The following CD163L1 variants were observed in gnomAD, a reference collection of about 807,000 sequenced individuals.
CD163L1 encodes the protein scavenger receptor cysteine-rich type 1 protein M160.
CD163L1 carries 124 observed loss-of-function variants against 165.4 expected under a neutral mutation model. The ratio of observed to expected loss-of-function variants is 0.75; its 90% CI spans 0.65 to 0.87. CD163L1 has a LOEUF of 0.87. CD163L1 is among the 40% of genes least tolerant of loss of function. The pLI is 0.00. For missense variants in CD163L1, 1,525 were observed against 1,799.9 expected (o/e 0.85, Z 2.76); for synonymous variants, 585 against 662.2 (o/e 0.88, Z 1.79).
chr12:7,433,617 G>C lies in CD163L1; in HGVS notation c.202C>G (p.Gln68Glu). 6.2e-7 allele frequency: 1 copy of C among 1,614,034 alleles called. No individual in the cohort carries two copies. The highest frequency in any genetic ancestry group is 8.5e-7 in the Non-Finnish European group (1 of 1,179,962). The change falls in exon 3 of 20, where the codon CAG becomes GAG. Residue 68 changes from glutamine (Q) to glutamate (E), a missense_variant. Transcript: ENST00000313599. ...SGTVEVKFQG[Q>E]WGTVCDDGWN... ...CCATCATCACACACAGTCCCCCACTGTCCCTGGAATTTCACCTCCACTGTC... is the reference window on the plus strand; with the variant it reads ...CCATCATCACACACAGTCCCCCACTCTCCCTGGAATTTCACCTCCACTGTC...
In CD163L1 at chr12:7,400,220, T is replaced by C. The variant is rs997560637; in HGVS notation, c.1409-1636A>G. ...CAAATTACACTGCTACGGACATCCTTACACATAAAGTTTTGAGTATGTCAC... is the reference window on the plus strand; with the variant it reads ...CAAATTACACTGCTACGGACATCCTCACACATAAAGTTTTGAGTATGTCAC... On this transcript the variant is annotated intron_variant, in intron 6 of 19. Transcript: ENST00000313599. This position sits in a 1 kb window ranked among gnomAD's most constrained non-coding sequence, Gnocchi z 4.1. Among the ~76,000 whole-genome samples, 4 of 152,218 alleles carry C rather than the reference T, an allele frequency of 2.6e-5. No homozygotes were observed. Among genetic ancestry groups the C allele is most frequent in the Admixed American group, 1.3e-4 (2 of 15,272 alleles).
chr12:7,350,287 T>C (rs935637251), downstream of CD163L1, among the ~76,000 whole-genome samples: 1 of 152,166 alleles, frequency 6.6e-6, no homozygotes, highest in Admixed American at 6.5e-5. Context: ...GAATCTTAAA[T>C]CACCCCTCAC....
At chr12:7,381,261 T>C (rs995126151) in intron 8 of CD163L1, among the ~76,000 whole-genome samples, 8 of 152,162 alleles carry the variant, frequency 5.3e-5, no homozygotes, top group East Asian at 1.9e-4. Context: ...TTACTTCCTA[T>C]TGGCCTTGAG....
Position 7,375,771 on chromosome 12 carries a change from G to T in CD163L1, c.2615C>A (p.Ala872Glu), listed in dbSNP as rs766786093. The change falls in exon 10 of 20, where the codon GCA becomes GAA. Residue 872 changes from alanine (A) to glutamate (E), a missense_variant. Transcript: ENST00000313599. ...FQCEGSETHL[A>E]LCPIVQHPED... The stretch of plus-strand genomic sequence containing the variant: ...CGGATGTTGAACAATGGGGCATAAT[G>T]CAAGGTGAGTTTCACTCCCTTCACA... 51 of 1,614,082 alleles carry T rather than the reference G, an allele frequency of 3.2e-5. No homozygotes were observed. Among genetic ancestry groups the T allele is most frequent in the Non-Finnish European group, 4.1e-5 (48 of 1,180,042 alleles).
the CD163L1 span, chr12:7,323,535 C>T: frequency 1.2e-5 from 20 of 1,613,580 alleles, no homozygotes; most frequent in Non-Finnish European, 1.4e-5. Flanking sequence ...CCTACACGGC[C>T]CTTCTGTTTC....
At chr12:7,378,502 G>T (rs1171647451) in intron 9 of CD163L1, among the ~76,000 whole-genome samples, 1 of 152,076 alleles carries the variant, frequency 6.6e-6, no homozygotes, top group Non-Finnish European at 1.5e-5. Flanking sequence ...TACATATCAA[G>T]ACTTTATTAT....
intron 9 of CD163L1, among the ~76,000 whole-genome samples, chr12:7,376,313 C>A (rs779659863): frequency 6.6e-6 from 1 of 151,986 alleles, no homozygotes; most frequent in Non-Finnish European, 1.5e-5. Context: ...TTAAACAACA[C>A]GTGAAGATTT....
At chr12:7,412,115 T>G (rs1948149450) in intron 4 of CD163L1, among the ~76,000 whole-genome samples, 2 of 152,340 alleles carry the variant, frequency 1.3e-5, no homozygotes, top group Non-Finnish European at 2.9e-5. Flanking sequence ...ATCTACTTAT[T>G]TCTATAGGAC....
chr12:7,326,301 C>A, the CD163L1 span, among the ~76,000 whole-genome samples: 1 of 152,142 alleles, frequency 6.6e-6, no homozygotes, highest in Non-Finnish European at 1.5e-5. Context: ...AACTGCTGGG[C>A]TCAGTCGATC....
At chr12:7,439,991 TA>T in intron 2 of CD163L1, 1 of 1,542,202 alleles carries the variant, frequency 6.5e-7, no homozygotes, top group Non-Finnish European at 8.8e-7. Flanking sequence ...TGCTCCATCC[TA>T]GCAGCTCCGC....
Position 7,359,540 on chromosome 12 carries a change from G to T in CD163L1, c.4280-2054C>A, listed in dbSNP as rs146284891. Among the ~76,000 whole-genome samples the T allele has an allele frequency of 3.9e-4, 59 of 152,106 alleles. 2 individuals carry two copies. The South Asian group carries it at 8.9e-3, about 23-fold the overall frequency. On this transcript the variant is annotated intron_variant, in intron 18 of 19. Transcript: ENST00000313599. The stretch of plus-strand genomic sequence containing the variant: ...CTTCAAAAGTGAATGAGAAATAAAA[G>T]ATTTTCTCAGACAAATAAAAATTGA...
chr12:7,364,500 G>A (rs1946972036), intron 18 of CD163L1, among the ~76,000 whole-genome samples: 1 of 152,078 alleles, frequency 6.6e-6, no homozygotes. Flanking sequence ...GGTCAAGTTA[G>A]CCTTCTTTGC....
the CD163L1 span, among the ~76,000 whole-genome samples, chr12:7,337,938 G>A: frequency 6.6e-6 from 1 of 152,142 alleles, no homozygotes; most frequent in African/African-American, 2.4e-5. Flanking sequence ...ATGATAGACT[G>A]GATAAAGAAA....
chr12:7,390,907 T>C (rs369646328), intron 8 of CD163L1, among the ~76,000 whole-genome samples: 4 of 152,158 alleles, frequency 2.6e-5, no homozygotes, highest in Middle Eastern at 3.2e-3. Flanking sequence ...AATAAAAACT[T>C]TGGTCTTAGA....
At chr12:7,324,567 T>C in the CD163L1 span, 1 of 1,613,862 alleles carries the variant, frequency 6.2e-7, no homozygotes, top group Non-Finnish European at 8.5e-7. Context: ...GAATCGGCTG[T>C]TGTCAGTAGT....
intron 8 of CD163L1, among the ~76,000 whole-genome samples, chr12:7,395,540 C>G (rs867049605): frequency 6.6e-6 from 1 of 152,056 alleles, no homozygotes; most frequent in Non-Finnish European, 1.5e-5. Context: ...ACATGTATAC[C>G]TATGTAACAA....
intron 18 of CD163L1, among the ~76,000 whole-genome samples, chr12:7,357,845 A>G (rs1946809553): frequency 1.3e-5 from 2 of 152,140 alleles, no homozygotes; most frequent in African/African-American, 4.8e-5. Flanking sequence ...TAAAAATTAT[A>G]TTTAGGGAAT....
At position 7,439,888 on chromosome 12, in the gene CD163L1, A is replaced by C. The variant is rs1293657968; in HGVS notation, c.124+1266T>G. Reference sequence around the variant, plus strand: ...CGCGGCTGCGTCATTATCCCCGCCCACTACTCCAACTCCTTCTTCGACTTC... The same window carrying C: ...CGCGGCTGCGTCATTATCCCCGCCCCCTACTCCAACTCCTTCTTCGACTTC... On this transcript the variant is annotated intron_variant, in intron 2 of 19. Transcript: ENST00000313599. 3.7e-6 allele frequency: 6 copies of C among 1,604,260 alleles called. No homozygotes were observed. In the East Asian group the frequency reaches 1.3e-4, roughly 36 times the overall value.
Position 7,396,499 on chromosome 12 carries a change from T to A in CD163L1, c.1730-84A>T, listed in dbSNP as rs762443223. On this transcript the variant is annotated intron_variant, in intron 7 of 19. Transcript: ENST00000313599. The stretch of plus-strand genomic sequence containing the variant: ...AACTTGGCTGGACTATGATACCCAG[T>A]TATTTGGTCAAACACCAGTCTAGAT... 31 of 1,294,168 alleles carry A rather than the reference T, an allele frequency of 2.4e-5. 1 individual carries two copies. The East Asian group carries it at 7.4e-4, about 31-fold the overall frequency. The allele number at this position is 1,294,168 out of a possible 1,614,324, so 80.2% of individuals were successfully genotyped here.
Sources: gnomAD v4.1 joint callset for allele counts (sites outside exome capture counted in the v4.1 genomes callset) on GRCh38, gnomAD v4.1.1 for gene constraint, Gnocchi (gnomAD v3.1) non-coding constraint, MANE v1.5 for transcripts, NCBI Gene and HGNC (gene_info 2026-07-23, HGNC 2026-07-21) for gene names.